Variants in FAM149A observed in about 807,000 individuals in gnomAD.
FAM149A encodes family with sequence similarity 149 member A, also known as protein FAM149A.
In FAM149A, 71 loss-of-function variants were observed where a neutral mutation model predicts 78.2. That is an observed-to-expected ratio of 0.91 (90% CI 0.75 to 1.11). The LOEUF (loss-of-function observed/expected upper bound fraction) is 1.11, where lower values mean the gene tolerates loss of function less well. Among genes scored for constraint, FAM149A ranks in the 50% least tolerant of loss-of-function variants. The pLI, the probability that FAM149A is intolerant of heterozygous loss-of-function variation, is 0.00. For missense variants in FAM149A, 1,036 were observed against 971.0 expected (o/e 1.07, Z -0.89); for synonymous variants, 446 against 410.5 (o/e 1.09, Z -1.04).
At chr4:186,109,877 T>C in intron 1 of FAM149A, 1 of 985,398 alleles carries the variant, frequency 1.0e-6, no homozygotes, top group South Asian at 4.7e-5. Flanking sequence ...TTACCTTCCC[T>C]GCATGACTTA....
intron 11 of FAM149A, among the ~76,000 whole-genome samples, chr4:186,166,096 T>C (rs1038090514): frequency 1.2e-4 from 19 of 152,334 alleles, no homozygotes; most frequent in Admixed American, 2.6e-4. Flanking sequence ...GGGTGTGCTG[T>C]GGCCAGCATG....
chr4:186,161,057 T>C (rs1190492971), intron 8 of FAM149A, among the ~76,000 whole-genome samples: 1 of 152,236 alleles, frequency 6.6e-6, no homozygotes, highest in African/African-American at 2.4e-5. Flanking sequence ...GCTAATTATA[T>C]ATTAATAGTC....
chr4:186,155,867 A>G (rs1733998865), intron 6 of FAM149A, 133 bp from the exon 7 acceptor site: 1 of 627,002 alleles, frequency 1.6e-6, no homozygotes, highest in Non-Finnish European at 2.4e-6. Context: ...ATATGTTAAA[A>G]AAGAACGATG....
At chr4:186,153,543 C>G in intron 4 of FAM149A, 102 bp from the exon 5 acceptor site, 1 of 1,514,870 alleles carries the variant, frequency 6.6e-7, no homozygotes, top group Non-Finnish European at 9.0e-7. Flanking sequence ...CACATCTTAT[C>G]ATACACATGC....
chr4:186,171,983 C>A lies in FAM149A; in HGVS notation c.2288C>A (p.Ser763Tyr). Residue 763 changes from serine to tyrosine, a missense_variant, in exon 14 of 14, where the codon TCT becomes TAT. Coordinates refer to ENST00000389354, the MANE Select transcript of FAM149A (RefSeq NM_001367768.3). ...TTCAAGAGGAGATTCCAAGTGACAT[C>A]TTGAAACCACCTCACCAGAACCATT... 6.2e-7 allele frequency: 1 copy of A among 1,611,294 alleles called. No homozygotes were observed. The highest frequency in any genetic ancestry group is 8.5e-7 in the Non-Finnish European group (1 of 1,178,726).
rs1452894526 is a variant in FAM149A at position 186,164,357 on chromosome 4, C to T, written c.1889+724C>T. On this transcript the variant is annotated intron_variant, in intron 10 of 13. Transcript: ENST00000389354. The surrounding 1 kb of genome is among the most constrained non-coding windows in gnomAD (Gnocchi z 4.0). ...TCATCCCCGCCAGGAAGAGGCCCAG[C>T]CGGACACACCCACAAGTGCTCTCAG... 2.0e-6 allele frequency: 1 copy of T among 499,514 alleles called. No individual in the cohort carries two copies. The highest frequency in any genetic ancestry group is 2.6e-6 in the Non-Finnish European group (1 of 386,004). 30.9% of individuals were successfully genotyped at this position (499,514 alleles called of 1,614,324 possible). A position where few individuals can be genotyped will look rare whatever the true frequency, so the allele number is the denominator to read the frequency against.
chr4:186,157,784 G>A (rs2276920), intron 8 of FAM149A, 65 bp downstream of exon 8: 308,283 of 1,566,446 alleles, frequency 0.2, 31,700 homozygotes, highest in African/African-American at 0.29. Flanking sequence ...TCAGTTTGTC[G>A]TTCTGTTAAA....
chr4:186,150,644 C>T (rs1430149750), intron 3 of FAM149A, among the ~76,000 whole-genome samples: 1 of 145,528 alleles, frequency 6.9e-6, no homozygotes, highest in Non-Finnish European at 1.5e-5. Flanking sequence ...TGGTCTCGAT[C>T]TCCTGACCTC....
At chr4:186,114,196 A>G (rs2099312559) in intron 1 of FAM149A, among the ~76,000 whole-genome samples, 1 of 43,572 alleles carries the variant, frequency 2.3e-5, no homozygotes. Flanking sequence ...AGTCTGTTTT[A>G]TCAGAGACTA....
At chr4:186,105,765 C>T (rs781277839) in intron 1 of FAM149A, 123 bp downstream of exon 1, 6 of 598,848 alleles carry the variant, frequency 1.0e-5, no homozygotes, top group Admixed American at 6.3e-5. Flanking sequence ...CTTTCATAAC[C>T]CCCTGGGCAC....
chr4:186,156,463 C>T (rs1270023897), intron 7 of FAM149A, among the ~76,000 whole-genome samples: 1 of 152,182 alleles, frequency 6.6e-6, no homozygotes, highest in Non-Finnish European at 1.5e-5. Flanking sequence ...CACCTGAGGT[C>T]AGGAGTTCAA....
chr4:186,128,183 T>G (rs1234493863), intron 1 of FAM149A, among the ~76,000 whole-genome samples: 1 of 151,936 alleles, frequency 6.6e-6, no homozygotes, highest in Non-Finnish European at 1.5e-5. Context: ...TAGAGATGGC[T>G]TCACCATGTT....
chr4:186,146,399 TC>T, intron 1 of FAM149A: 1 of 940,506 alleles, frequency 1.1e-6, no homozygotes, highest in Non-Finnish European at 1.3e-6. Context: ...TCCCAAGACC[TC>T]CTGGGCTCAG....
At position 186,119,080 on chromosome 4, in the gene FAM149A, C is replaced by T. The variant is rs1453143352; in HGVS notation, c.566+13438C>T. Among the ~76,000 whole-genome samples the T allele has an allele frequency of 1.3e-5, 2 of 152,190 alleles. 1 individual carries two copies. The highest frequency in any genetic ancestry group is 1.3e-4 in the Admixed American group (2 of 15,274). On this transcript the variant is annotated intron_variant, in intron 1 of 13. Transcript: ENST00000389354. ...TCCTTCACGTACAGGGGACACTCTT[C>T]CCTCATGGGTGCAGTCTGGATATTT...
chr4:186,123,673 A>T (rs1346828129), intron 1 of FAM149A: 2 of 259,500 alleles, frequency 7.7e-6, no homozygotes, highest in Non-Finnish European at 1.2e-5. Flanking sequence ...ATGAATTCTG[A>T]TACTGTGGCT....
At chr4:186,171,400 GGTTT>G (rs1456326446) in intron 13 of FAM149A, 2 of 152,290 alleles carry the variant, frequency 1.3e-5, no homozygotes, top group Non-Finnish European at 2.9e-5. Flanking sequence ...TCTTTCTGAG[GGTTT>G]GTTTTCTTTT....
intron 1 of FAM149A, among the ~76,000 whole-genome samples, chr4:186,128,976 T>C (rs1055501168): frequency 3.3e-5 from 5 of 151,914 alleles, no homozygotes; most frequent in African/African-American, 1.2e-4. Flanking sequence ...TGTGTCTTTT[T>C]TGGTGTGTGT....
In FAM149A at chr4:186,174,574, A is replaced by G. The variant is rs1373964667; in HGVS notation, c.*2587A>G. On this transcript the variant is annotated 3_prime_UTR_variant, in exon 14 of 14. Coordinates refer to ENST00000389354, the MANE Select transcript of FAM149A (RefSeq NM_001367768.3). ...CTTGTTTGGCTCCAGAGGTTTGCAA[A>G]TAAGAATCTATTATTTATATATATA... Among the ~76,000 whole-genome samples the G allele has an allele frequency of 2.7e-5, 3 of 111,160 alleles. 1 individual carries two copies. Among genetic ancestry groups the G allele is most frequent in the African/African-American group, 8.4e-5 (3 of 35,596 alleles). 72.9% of individuals were successfully genotyped at this position (111,160 alleles called of 152,430 possible).
intron 8 of FAM149A, among the ~76,000 whole-genome samples, chr4:186,159,252 A>T (rs1734319986): frequency 2.6e-5 from 4 of 152,122 alleles, no homozygotes; most frequent in Admixed American, 2.6e-4. Flanking sequence ...TCGCGCAAAA[A>T]AAAACAAAAA....
Sources: gnomAD v4.1 joint callset for allele counts (sites outside exome capture counted in the v4.1 genomes callset) on GRCh38, gnomAD v4.1.1 for gene constraint, Gnocchi (gnomAD v3.1) non-coding constraint, MANE v1.5 for transcripts, NCBI Gene and HGNC (gene_info 2026-07-23, HGNC 2026-07-21) for gene names.